Variants in ZEB1 observed in about 807,000 individuals in gnomAD.
ZEB1 encodes zinc finger E-box-binding homeobox 1.
Under a neutral mutation model 84.9 loss-of-function variants are expected in ZEB1, and 21 were observed. The ratio of observed to expected loss-of-function variants is 0.25; its 90% CI spans 0.18 to 0.36. The LOEUF is 0.36. ZEB1 is among the 10% of genes least tolerant of loss of function. The pLI, the probability that ZEB1 is intolerant of heterozygous loss-of-function variation, is 1.00. For missense variants in ZEB1, 1,104 were observed against 1,330.2 expected, an observed-to-expected ratio of 0.83 and a Z score of 2.65; for synonymous variants, 420 against 471.1, an observed-to-expected ratio of 0.89 and a Z score of 1.41.
At chr10:31,378,150 G>T (rs1414947093) in intron 1 of ZEB1, among the ~76,000 whole-genome samples, 5 of 151,234 alleles carry the variant, frequency 3.3e-5, no homozygotes, top group Non-Finnish European at 7.4e-5. Context: ...TTTACCAAAT[G>T]TTCTCACTGA....
At chr10:31,471,358 G>T (rs570909396) in intron 2 of ZEB1, among the ~76,000 whole-genome samples, 1 of 147,416 alleles carries the variant, frequency 6.8e-6, no homozygotes, top group African/African-American at 2.5e-5. Flanking sequence ...AAAATAAAAG[G>T]ATGGAGGAAG....
chr10:31,424,016 G>T lies in ZEB1; in HGVS notation c.59-37021G>T, dbSNP rs1013121836. Among the ~76,000 whole-genome samples, 16 of 151,824 alleles carry T rather than the reference G, an allele frequency of 1.1e-4. No individual in the cohort carries two copies. In the East Asian group the frequency reaches 1.2e-3, roughly 11 times the overall value. Reference sequence around the variant, plus strand: ...GCCAAATATTTGCTTTTGTTTTTTTGTTGTTGTTGTTTTTCTTTTGTTTGG... The same window carrying T: ...GCCAAATATTTGCTTTTGTTTTTTTTTTGTTGTTGTTTTTCTTTTGTTTGG... On this transcript the variant is annotated intron_variant, in intron 1 of 8. Coordinates refer to ENST00000424869, the MANE Select transcript of ZEB1 (RefSeq NM_001174096.2).
Position 31,461,089 on chromosome 10 carries a change from C to G in ZEB1, c.111C>G (p.Asp37Glu). ...VETNSDSDDE[D>E]KLHIVEEESV... ...CAAATTCAGATTCAGATGATGAAGA[C>G]AAACTGCATATTGTGGAAGAAGAAA... is the stretch of plus-strand genomic sequence containing the variant. Residue 37 changes from aspartate to glutamate, a missense_variant, in exon 2 of 9, where the codon GAC becomes GAG. This residue lies in a region of ZEB1 where 162 missense variants were observed against 184.5 expected (regional missense o/e 0.88). Coordinates refer to ENST00000424869, the MANE Select transcript of ZEB1 (RefSeq NM_001174096.2). 1 of 1,613,354 alleles carries G rather than the reference C, an allele frequency of 6.2e-7. No homozygotes were observed. The highest frequency in any genetic ancestry group is 8.5e-7 in the Non-Finnish European group (1 of 1,179,630).
chr10:31,431,740 T>C lies in ZEB1; in HGVS notation c.59-29297T>C, dbSNP rs1288615610. Among the ~76,000 whole-genome samples the C allele has an allele frequency of 2.0e-5, 3 of 152,198 alleles. No homozygotes were observed. The East Asian group carries it at 5.8e-4, about 29-fold the overall frequency. On this transcript the variant is annotated intron_variant, in intron 1 of 8. Transcript: ENST00000424869. ...TAATCTAATGGAATAATTTTAATAC[T>C]TTAATGAAAACATTACTTTCAATCA...
intron 1 of ZEB1, among the ~76,000 whole-genome samples, chr10:31,407,687 TCAA>T (rs1029976739): frequency 9.3e-4 from 142 of 152,278 alleles, no homozygotes; most frequent in African/African-American, 3.3e-3. Flanking sequence ...TTGACAAAAT[TCAA>T]CAACACTTCA....
intron 2 of ZEB1, among the ~76,000 whole-genome samples, chr10:31,485,624 C>T (rs1400617309): frequency 6.6e-6 from 1 of 151,758 alleles, no homozygotes; most frequent in Non-Finnish European, 1.5e-5. Flanking sequence ...TGTAAACACT[C>T]CTATTCTTCT....
intron 1 of ZEB1, among the ~76,000 whole-genome samples, chr10:31,373,475 A>G (rs771217472): frequency 8.4e-4 from 128 of 151,994 alleles, no homozygotes; most frequent in Non-Finnish European, 1.5e-3. Flanking sequence ...TTAAAATAGT[A>G]TATTATAAAA....
At chr10:31,425,053 T>A (rs1206132400) in intron 1 of ZEB1, among the ~76,000 whole-genome samples, 1 of 152,000 alleles carries the variant, frequency 6.6e-6, no homozygotes, top group Non-Finnish European at 1.5e-5. Flanking sequence ...AAACATTTGG[T>A]AGGTTAACAT....
At chr10:31,464,466 A>G (rs2062155676) in intron 2 of ZEB1, among the ~76,000 whole-genome samples, 1 of 152,212 alleles carries the variant, frequency 6.6e-6, no homozygotes, top group Non-Finnish European at 1.5e-5. Flanking sequence ...TGAAGAAATA[A>G]TGGCTGAGGT....
chr10:31,388,889 A>G (rs2049119411), intron 1 of ZEB1, among the ~76,000 whole-genome samples: 1 of 152,116 alleles, frequency 6.6e-6, no homozygotes, highest in Non-Finnish European at 1.5e-5. Flanking sequence ...TATAGAAATA[A>G]CTAAACAGGT....
intron 1 of ZEB1, among the ~76,000 whole-genome samples, chr10:31,410,615 C>G (rs1411343392): frequency 2.0e-5 from 3 of 152,142 alleles, no homozygotes; most frequent in Non-Finnish European, 4.4e-5. Context: ...TAGAATTCAG[C>G]TGTGAATCCA....
At chr10:31,329,973 G>A (rs2036414942) in intron 1 of ZEB1, among the ~76,000 whole-genome samples, 1 of 152,082 alleles carries the variant, frequency 6.6e-6, no homozygotes, top group African/African-American at 2.4e-5. Context: ...AAGTATTAAA[G>A]ATATTTCTCT....
rs546922677 is a variant in ZEB1, at chr10:31,425,907, C to A, written c.59-35130C>A. 8.9e-4 allele frequency among the ~76,000 whole-genome samples: 135 copies of A among 152,200 alleles called. No homozygotes were observed. In the Middle Eastern group the frequency reaches 0.014, roughly 15 times the overall value. ...TGTTTGAAAGTATCAGTTGTATATGCATACATATAAATAGCCCAAATGTTT... is the reference window on the plus strand; with the variant it reads ...TGTTTGAAAGTATCAGTTGTATATGAATACATATAAATAGCCCAAATGTTT... On this transcript the variant is annotated intron_variant, in intron 1 of 8. Coordinates refer to ENST00000424869, the MANE Select transcript of ZEB1 (RefSeq NM_001174096.2).
intron 1 of ZEB1, among the ~76,000 whole-genome samples, chr10:31,336,583 A>G (rs1337335575): frequency 1.3e-5 from 2 of 152,150 alleles, no homozygotes; most frequent in Non-Finnish European, 2.9e-5. Flanking sequence ...ACTAATAGAT[A>G]CTGTAGAGTG....
At chr10:31,427,785 G>C (rs556251383) in intron 1 of ZEB1, among the ~76,000 whole-genome samples, 3 of 151,892 alleles carry the variant, frequency 2.0e-5, no homozygotes, top group East Asian at 1.9e-4. Flanking sequence ...CATGAACCCA[G>C]GAGGTGGAGC....
chr10:31,319,662 T>G (rs925435211), intron 1 of ZEB1: 1 of 257,656 alleles, frequency 3.9e-6, no homozygotes, highest in African/African-American at 2.3e-5. Flanking sequence ...GGCTGTTGCT[T>G]CTTTCCGCAC....
At position 31,461,244 on chromosome 10, in the gene ZEB1, C is replaced by A; in HGVS notation, c.259+7C>A. On this transcript the variant is annotated splice_region_variant and intron_variant, in intron 2 of 8. Coordinates refer to ENST00000424869, the MANE Select transcript of ZEB1 (RefSeq NM_001174096.2). ...AACTGCTGGGAGGATGACAGTAAGTCTGATTTTTTTTTGTAATATTGTATT... is the reference window on the plus strand; with the variant it reads ...AACTGCTGGGAGGATGACAGTAAGTATGATTTTTTTTTGTAATATTGTATT... The A allele has an allele frequency of 6.2e-7, 1 of 1,606,530 alleles. No individual in the cohort carries two copies. Among genetic ancestry groups the A allele is most frequent in the South Asian group, 1.1e-5 (1 of 90,190 alleles).
At chr10:31,334,041 C>T (rs534553780) in intron 1 of ZEB1, among the ~76,000 whole-genome samples, 1 of 151,934 alleles carries the variant, frequency 6.6e-6, no homozygotes, top group African/African-American at 2.4e-5. Context: ...ATACATTAAG[C>T]AGAAACTAGG....
chr10:31,445,187 G>T (rs2059594408), intron 1 of ZEB1, among the ~76,000 whole-genome samples: 1 of 144,616 alleles, frequency 6.9e-6, no homozygotes, highest in Admixed American at 6.6e-5. Context: ...ATTGTGAATG[G>T]GAGTTCACTC....
Sources: gnomAD v4.1 joint callset for allele counts (sites outside exome capture counted in the v4.1 genomes callset) on GRCh38, gnomAD v4.1.1 for gene constraint, gnomAD v4.1.1 regional missense constraint, MANE v1.5 for transcripts, NCBI Gene and HGNC (gene_info 2026-07-23, HGNC 2026-07-21) for gene names.